PCDHGA7: variants seen among roughly 807,000 people sequenced by gnomAD.
PCDHGA7 encodes protocadherin gamma-A7.
In PCDHGA7, 44 loss-of-function variants were observed where a neutral mutation model predicts 58.3. The ratio of observed to expected loss-of-function variants is 0.75; its 90% CI spans 0.59 to 0.97. The LOEUF (loss-of-function observed/expected upper bound fraction) is 0.97, where lower values mean the gene tolerates loss of function less well. Ranked by LOEUF, PCDHGA7 falls within the 50% of genes least tolerant of loss-of-function variation. PCDHGA7 has a pLI of 0.00. For synonymous variants in PCDHGA7, 516 were observed against 504.2 expected, an observed-to-expected ratio of 1.02 and a Z score of -0.31; for missense variants, 1,266 against 1,188.7, an observed-to-expected ratio of 1.06 and a Z score of -0.96.
rs570982273 is a variant in PCDHGA7, at chr5:141,476,764, G to T, written c.2425-18043G>T. On this transcript the variant is annotated intron_variant, in intron 1 of 3. Coordinates refer to ENST00000518325, the MANE Select transcript of PCDHGA7 (RefSeq NM_018920.4). This position sits in a 1 kb window ranked among gnomAD's most constrained non-coding sequence, Gnocchi z 7.6. ...CTAGTCTCCAGTTAGTGCTGACGGC[G>T]TTGGACGGAGGGACCCCAGCTCTCT... 1.2e-5 allele frequency: 19 copies of T among 1,613,794 alleles called. No individual in the cohort carries two copies. In the East Asian group the frequency reaches 3.8e-4, roughly 32 times the overall value.
At chr5:141,430,351 A>G (rs923321842) in intron 1 of PCDHGA7, among the ~76,000 whole-genome samples, 5 of 152,046 alleles carry the variant, frequency 3.3e-5, no homozygotes, top group African/African-American at 1.2e-4. Flanking sequence ...CAATTCATTT[A>G]AAAGCTCATT....
intron 1 of PCDHGA7, among the ~76,000 whole-genome samples, chr5:141,468,216 T>C (rs2099160325): frequency 6.6e-6 from 1 of 150,794 alleles, no homozygotes. Flanking sequence ...TTCCAGCTAC[T>C]TGGGAGGATG....
At position 141,489,861 on chromosome 5, in the gene PCDHGA7, A is replaced by G. The variant is rs1221756350; in HGVS notation, c.2425-4946A>G. The G allele has an allele frequency of 1.2e-5, 19 of 1,614,058 alleles. No individual in the cohort carries two copies. Among genetic ancestry groups the G allele is most frequent in the Non-Finnish European group, 1.5e-5 (18 of 1,179,998 alleles). On this transcript the variant is annotated intron_variant, in intron 1 of 3. Transcript: ENST00000518325. The surrounding 1 kb of genome is among the most constrained non-coding windows in gnomAD (Gnocchi z 4.5). ...AGCTGGATCGTGAAGCCCAGGCAAGACATCAGCTGGTGCTTACTGCTGTGG... is the reference window on the plus strand; with the variant it reads ...AGCTGGATCGTGAAGCCCAGGCAAGGCATCAGCTGGTGCTTACTGCTGTGG...
intron 1 of PCDHGA7, chr5:141,416,047 A>T (rs2095986655): frequency 1.6e-5 from 3 of 187,858 alleles, no homozygotes; most frequent in Non-Finnish European, 3.2e-5. Context: ...TGGAAACACA[A>T]CCCAAATCCA....
At chr5:141,419,465 G>C (rs568864628) in intron 1 of PCDHGA7, 77 of 1,612,426 alleles carry the variant, frequency 4.8e-5, no homozygotes, top group Non-Finnish European at 6.4e-5. Context: ...GCAGGCCCGC[G>C]ACCAGGGCTC....
chr5:141,395,310 A>T (rs752171326), intron 1 of PCDHGA7: 1 of 1,502,292 alleles, frequency 6.7e-7, no homozygotes, highest in African/African-American at 1.4e-5. Context: ...TTTGAAAAAC[A>T]TTGTGAAGAT....
At chr5:141,403,403 C>T in intron 1 of PCDHGA7, 5 of 1,614,066 alleles carry the variant, frequency 3.1e-6, no homozygotes, top group Non-Finnish European at 4.2e-6. Context: ...TCCTGGAGCA[C>T]GTTATCCACT....
rs530261329 is a variant in PCDHGA7, at chr5:141,440,076, A to G, written c.2425-54731A>G. 2.4e-4 allele frequency: 37 copies of G among 152,560 alleles called. No individual in the cohort carries two copies. In the South Asian group the frequency reaches 3.7e-3, roughly 15 times the overall value. The allele number at this position is 152,560 out of a possible 1,614,324, so 9.5% of individuals were successfully genotyped here. On this transcript the variant is annotated intron_variant, in intron 1 of 3. Coordinates refer to ENST00000518325, the MANE Select transcript of PCDHGA7 (RefSeq NM_018920.4). Reference sequence around the variant, plus strand: ...CTTCGGGTTAATGCTGAGGAATAATACTTCATTCTAAGTGGGGAAAGTGGA... The same window carrying G: ...CTTCGGGTTAATGCTGAGGAATAATGCTTCATTCTAAGTGGGGAAAGTGGA...
chr5:141,500,571 C>T (rs1171231755), intron 2 of PCDHGA7, among the ~76,000 whole-genome samples: 1 of 152,196 alleles, frequency 6.6e-6, no homozygotes, highest in African/African-American at 2.4e-5. Context: ...GTCACACTTT[C>T]ATGTGACACT....
At chr5:141,414,802 G>C (rs201378410) in intron 1 of PCDHGA7, 3 of 1,614,108 alleles carry the variant, frequency 1.9e-6, no homozygotes, top group Admixed American at 3.3e-5. Flanking sequence ...CGACAGCGGG[G>C]ATCCTCCACT....
chr5:141,511,049 G>A lies in PCDHGA7; in HGVS notation c.2675G>A (p.Arg892His), dbSNP rs61749029. 408 of 1,614,098 alleles carry A rather than the reference G, an allele frequency of 2.5e-4. No individual in the cohort carries two copies. Among genetic ancestry groups the A allele is most frequent in the South Asian group, 7.2e-4 (66 of 91,094 alleles). Residue 892 changes from arginine (R) to histidine (H), a missense_variant, in exon 4 of 4, where the codon CGC becomes CAC. Transcript: ENST00000518325. ...QFTLQHVPDY[R>H]QNVYIPGSNA... ...ACCCTGCAGCACGTGCCCGACTACC[G>A]CCAGAATGTCTACATCCCAGGCAGC...
At position 141,476,606 on chromosome 5, in the gene PCDHGA7, G is replaced by T. The variant is rs2099394832; in HGVS notation, c.2425-18201G>T. The stretch of plus-strand genomic sequence containing the variant: ...GCTCGAGAGCGCGCACGATCCCGAT[G>T]TGGGAAGCAACTCTTTACAAACCTA... On this transcript the variant is annotated intron_variant, in intron 1 of 3. Transcript: ENST00000518325. The surrounding 1 kb of genome is among the most constrained non-coding windows in gnomAD (Gnocchi z 7.6). The T allele has an allele frequency of 1.9e-6, 3 of 1,614,126 alleles. No individual in the cohort carries two copies. Among genetic ancestry groups the T allele is most frequent in the Non-Finnish European group, 1.7e-6 (2 of 1,180,054 alleles).
intron 1 of PCDHGA7, chr5:141,400,486 CT>C: frequency 1.2e-6 from 2 of 1,614,034 alleles, no homozygotes; most frequent in African/African-American, 1.3e-5. Context: ...CTTATTTCCA[CT>C]TTGTAATTCC....
chr5:141,454,798 T>A (rs866302149), intron 1 of PCDHGA7, among the ~76,000 whole-genome samples: 2 of 58,950 alleles, frequency 3.4e-5, no homozygotes, highest in Non-Finnish European at 6.4e-5. Context: ...TGGTTCTAAT[T>A]TTTTTTTTTT....
intron 1 of PCDHGA7, chr5:141,419,971 C>T (rs1254783575): frequency 1.2e-6 from 2 of 1,613,942 alleles, no homozygotes; most frequent in African/African-American, 2.7e-5. Context: ...TGCTCTTTCT[C>T]CTCGCGGTGA....
At chr5:141,419,642 G>A (rs376762490) in intron 1 of PCDHGA7, 1 of 1,612,412 alleles carries the variant, frequency 6.2e-7, no homozygotes, top group African/African-American at 1.3e-5. Context: ...GGTGGCCGTG[G>A]ACGCGGACTC....
intron 2 of PCDHGA7, among the ~76,000 whole-genome samples, chr5:141,501,258 T>G (rs2099806611): frequency 1.3e-5 from 2 of 150,950 alleles, no homozygotes; most frequent in South Asian, 4.2e-4. Flanking sequence ...GGGAGTATTT[T>G]ATTATAGTCC....
Position 141,403,914 on chromosome 5 carries a change from C to A in PCDHGA7, c.2424+18591C>A, listed in dbSNP as rs748975395. The A allele has an allele frequency of 1.3e-5, 21 of 1,613,662 alleles. No homozygotes were observed. Among genetic ancestry groups the A allele is most frequent in the South Asian group, 2.2e-5 (2 of 91,064 alleles). On this transcript the variant is annotated intron_variant, in intron 1 of 3. Coordinates refer to ENST00000518325, the MANE Select transcript of PCDHGA7 (RefSeq NM_018920.4). ...TCATTTTATGAAATGGAAATACAAG[C>A]TGAAGATGGTGGGGGATTGAAAGGG...
intron 1 of PCDHGA7, among the ~76,000 whole-genome samples, chr5:141,451,644 G>A (rs1730833205): frequency 6.6e-6 from 1 of 152,178 alleles, no homozygotes; most frequent in Non-Finnish European, 1.5e-5. Context: ...CACTCTGAGA[G>A]GCCAAGGAGG....
Sources: gnomAD v4.1 joint callset for allele counts (sites outside exome capture counted in the v4.1 genomes callset) on GRCh38, gnomAD v4.1.1 for gene constraint, Gnocchi (gnomAD v3.1) non-coding constraint, MANE v1.5 for transcripts, NCBI Gene and HGNC (gene_info 2026-07-23, HGNC 2026-07-21) for gene names.